The following LRP1B variants were observed in gnomAD, a reference collection of about 807,000 sequenced individuals.
The protein encoded by LRP1B is LDL receptor related protein 1B.
LRP1B carries 217 observed loss-of-function variants against 556.6 expected under a neutral mutation model. The ratio of observed to expected loss-of-function variants is 0.39; its 90% CI spans 0.35 to 0.44. LRP1B has a LOEUF of 0.44. LRP1B is among the 20% of genes least tolerant of loss of function. The probability of loss-of-function intolerance (pLI) is 1.00; values close to 1 mark genes in which losing one functional copy is unlikely to be tolerated. For missense variants in LRP1B, 5,053 were observed against 5,620.8 expected, an observed-to-expected ratio of 0.90 and a Z score of 3.23; for synonymous variants, 2,047 against 1,865.8, an observed-to-expected ratio of 1.10 and a Z score of -2.50.
At chr2:141,474,038 T>C (rs111798235) in intron 3 of LRP1B, among the ~76,000 whole-genome samples, 59 of 126,814 alleles carry the variant, frequency 4.7e-4, no homozygotes, top group African/African-American at 1.7e-3. Context: ...CTTCCTTCCT[T>C]CCTTCCTTTC....
chr2:140,620,267 C>T (rs1453992265), intron 41 of LRP1B, among the ~76,000 whole-genome samples: 2 of 152,110 alleles, frequency 1.3e-5, no homozygotes, highest in African/African-American at 4.8e-5. Context: ...TGACAGTTAT[C>T]GAGTTGGTTA....
chr2:141,221,457 T>C (rs951698730), intron 6 of LRP1B, among the ~76,000 whole-genome samples: 2 of 152,218 alleles, frequency 1.3e-5, no homozygotes, highest in Non-Finnish European at 2.9e-5. Flanking sequence ...ACAATGATAG[T>C]GGGAGACTTT....
intron 18 of LRP1B, among the ~76,000 whole-genome samples, chr2:140,957,362 A>C (rs1030507): frequency 6.6e-6 from 1 of 151,466 alleles, no homozygotes; most frequent in South Asian, 2.1e-4. Flanking sequence ...AATTTTAGAA[A>C]GGTTGCAATA....
At chr2:141,810,620 A>G (rs1286604804) in intron 1 of LRP1B, among the ~76,000 whole-genome samples, 3 of 152,218 alleles carry the variant, frequency 2.0e-5, no homozygotes, top group Middle Eastern at 3.4e-3. Context: ...ATAGGTTCAC[A>G]CTATCTGTTC....
intron 46 of LRP1B, among the ~76,000 whole-genome samples, chr2:140,535,115 A>G (rs1457261174): frequency 6.6e-6 from 1 of 152,182 alleles, no homozygotes; most frequent in Non-Finnish European, 1.5e-5. Context: ...ATAATAAACA[A>G]CAGAGGATAT....
intron 36 of LRP1B, 55 bp downstream of exon 36, chr2:140,716,627 T>G: frequency 1.3e-6 from 2 of 1,531,302 alleles, no homozygotes; most frequent in Non-Finnish European, 1.8e-6. Context: ...TGAAGCAGTT[T>G]GAGCCCCTAA....
At chr2:141,961,820 C>T (rs553255202) in intron 1 of LRP1B, among the ~76,000 whole-genome samples, 4 of 151,648 alleles carry the variant, frequency 2.6e-5, no homozygotes, top group South Asian at 4.1e-4. Flanking sequence ...GCCACCAATG[C>T]CCATTGAAGG....
chr2:141,298,954 TAAAA>T (rs10714514), intron 3 of LRP1B, among the ~76,000 whole-genome samples: 9 of 123,862 alleles, frequency 7.3e-5, no homozygotes, highest in Non-Finnish European at 1.5e-4. Flanking sequence ...AACTCCATCT[TAAAA>T]AAAAAAAAAA....
chr2:140,858,596 T>A (rs1000960961), intron 27 of LRP1B, among the ~76,000 whole-genome samples: 3 of 151,800 alleles, frequency 2.0e-5, no homozygotes, highest in Admixed American at 2.0e-4. Flanking sequence ...CTTTTTAAGT[T>A]CCAGGGTACA....
intron 1 of LRP1B, among the ~76,000 whole-genome samples, chr2:141,898,828 A>G (rs1574474784): frequency 6.6e-6 from 1 of 152,140 alleles, no homozygotes; most frequent in East Asian, 1.9e-4. Context: ...GTTATAGAAT[A>G]AAGGGGTTTG....
At chr2:140,650,091 G>A (rs503560) in intron 41 of LRP1B, among the ~76,000 whole-genome samples, 3 of 151,794 alleles carry the variant, frequency 2.0e-5, no homozygotes, top group East Asian at 1.9e-4. Context: ...TAAGCTACAC[G>A]AAAGAGACAA....
intron 2 of LRP1B, among the ~76,000 whole-genome samples, chr2:141,591,669 C>A (rs972456571): frequency 1.3e-5 from 2 of 151,644 alleles, no homozygotes; most frequent in Non-Finnish European, 2.9e-5. Context: ...TTTGGGCAGA[C>A]AGACCTAAAT....
chr2:141,196,831 T>C (rs573788380), intron 6 of LRP1B, among the ~76,000 whole-genome samples: 1 of 152,204 alleles, frequency 6.6e-6, no homozygotes, highest in South Asian at 2.1e-4. Context: ...CTTTTATTAG[T>C]CCTGAGACTT....
At chr2:140,813,926 A>G in intron 31 of LRP1B, 120 bp from the exon 32 acceptor site, 1 of 692,008 alleles carries the variant, frequency 1.4e-6, no homozygotes, top group Non-Finnish European at 2.4e-6. Flanking sequence ...TGTCTTTACA[A>G]ATAAGATCTG....
chr2:141,788,180 G>A (rs1028919184), intron 2 of LRP1B, among the ~76,000 whole-genome samples: 1 of 151,954 alleles, frequency 6.6e-6, no homozygotes, highest in South Asian at 2.1e-4. Context: ...GATAAAACTA[G>A]TAGCTTTTTG....
rs185670175 is a variant in LRP1B, at chr2:141,262,219, G to A, written c.344-7578C>T. 1.7e-3 allele frequency among the ~76,000 whole-genome samples: 258 copies of A among 151,694 alleles called. 1 individual carries two copies. Among genetic ancestry groups the A allele is most frequent in the Admixed American group, 3.9e-3 (59 of 15,192 alleles). On this transcript the variant is annotated intron_variant, in intron 3 of 90. Transcript: ENST00000389484. The stretch of plus-strand genomic sequence containing the variant: ...GAGAAATTCTGTTCAATCTTCTGCC[G>A]ACTGTTATTAGGTTGTTTTCTTATT...
intron 2 of LRP1B, among the ~76,000 whole-genome samples, chr2:141,746,477 C>T (rs1254799931): frequency 6.6e-6 from 1 of 152,038 alleles, no homozygotes; most frequent in East Asian, 1.9e-4. Flanking sequence ...TGTCCCTCTC[C>T]CTAGCACACA....
Position 140,401,967 on chromosome 2 carries a change from C to A in LRP1B, c.10415-15958G>T, listed in dbSNP as rs888568709. 5.3e-5 allele frequency among the ~76,000 whole-genome samples: 8 copies of A among 152,204 alleles called. No homozygotes were observed. In the East Asian group the frequency reaches 1.2e-3, roughly 22 times the overall value. On this transcript the variant is annotated intron_variant, in intron 66 of 90. Transcript: ENST00000389484. ...CTAAGGAAGCTCACAGAGTCTACAT[C>A]AATCCCCTGCCACCCCTATCACAGC...
chr2:140,508,601 A>T (rs1325818036), intron 52 of LRP1B, among the ~76,000 whole-genome samples: 1 of 152,130 alleles, frequency 6.6e-6, no homozygotes, highest in Non-Finnish European at 1.5e-5. Flanking sequence ...ATCAGAGTAA[A>T]ACTCTGATTT....
Sources: allele counts gnomAD v4.1 joint callset (sites outside exome capture counted in the v4.1 genomes callset), GRCh38; gene constraint gnomAD v4.1.1; transcripts MANE v1.5; gene names NCBI Gene and HGNC (gene_info 2026-07-23, HGNC 2026-07-21).